MLLT1: variants seen among roughly 807,000 people sequenced by gnomAD.
MLLT1 encodes the protein protein ENL.
MLLT1 carries 11 observed loss-of-function variants against 55.1 expected under a neutral mutation model. That is an observed-to-expected ratio of 0.20 (90% CI 0.13 to 0.33). The LOEUF (loss-of-function observed/expected upper bound fraction) is 0.33, where lower values mean the gene tolerates loss of function less well. Among genes scored for constraint, MLLT1 ranks in the 10% least tolerant of loss-of-function variants. The probability of loss-of-function intolerance (pLI) is 1.00; values close to 1 mark genes in which losing one functional copy is unlikely to be tolerated. For missense variants in MLLT1, 536 were observed against 760.6 expected (o/e 0.70, Z 3.47); for synonymous variants, 323 against 320.1 (o/e 1.01, Z -0.10).
chr19:6,216,839 C>T, intron 7 of MLLT1: 1 of 311,408 alleles, frequency 3.2e-6, no homozygotes, highest in Non-Finnish European at 6.0e-6. Context: ...GCTCGGGGCA[C>T]AGAGATCAGA....
intron 8 of MLLT1, among the ~76,000 whole-genome samples, chr19:6,214,778 G>A (rs1009433293): frequency 6.6e-6 from 1 of 152,162 alleles, no homozygotes; most frequent in Non-Finnish European, 1.5e-5. Flanking sequence ...TTCACAACAC[G>A]TTTAAAACAC....
At chr19:6,254,790 C>A (rs767223578) in intron 3 of MLLT1, among the ~76,000 whole-genome samples, 4 of 152,212 alleles carry the variant, frequency 2.6e-5, no homozygotes, top group Admixed American at 6.5e-5. Flanking sequence ...CCCCTGAGAT[C>A]AGGAACCACG....
In MLLT1 at chr19:6,262,364, AGCT is replaced by A; in HGVS notation, c.194-57_194-55del. On this transcript the variant is annotated intron_variant, in intron 2 of 11. Coordinates refer to ENST00000252674, the MANE Select transcript of MLLT1 (RefSeq NM_005934.4). This position sits in a 1 kb window ranked among gnomAD's most constrained non-coding sequence, Gnocchi z 4.4. ...TCAGCCTCCTGCCTGTTTCAGGCCC[AGCT>A]GCCAGCGGCAGTACCGCACCCCTCA... is the stretch of plus-strand genomic sequence containing the variant. 6.6e-7 allele frequency: 1 copy of A among 1,513,086 alleles called. No individual in the cohort carries two copies. Among genetic ancestry groups the A allele is most frequent in the Non-Finnish European group, 9.1e-7 (1 of 1,093,596 alleles). The allele number at this position is 1,513,086 out of a possible 1,614,324, so 93.7% of individuals were successfully genotyped here. A position where few individuals can be genotyped will look rare whatever the true frequency, so the allele number is the denominator to read the frequency against.
chr19:6,234,069 G>C (rs1452148530), intron 3 of MLLT1, among the ~76,000 whole-genome samples: 1 of 152,236 alleles, frequency 6.6e-6, no homozygotes, highest in East Asian at 1.9e-4. Flanking sequence ...GGCTGGGAAG[G>C]CTCCCTGGAG....
chr19:6,256,815 T>C lies in MLLT1; in HGVS notation c.276+5413A>G, dbSNP rs2091260938. The stretch of plus-strand genomic sequence containing the variant: ...TACAACTACAGTCATCAAAACAGTA[T>C]GGCCAGCATAAGCACAGACACGTAG... On this transcript the variant is annotated intron_variant, in intron 3 of 11. Transcript: ENST00000252674. The surrounding 1 kb of genome is among the most constrained non-coding windows in gnomAD (Gnocchi z 4.1). Among the ~76,000 whole-genome samples the C allele has an allele frequency of 2.6e-5, 4 of 152,166 alleles. No homozygotes were observed. In the South Asian group the frequency reaches 6.2e-4, roughly 24 times the overall value.
At chr19:6,245,190 T>A (rs1038722363) in intron 3 of MLLT1, among the ~76,000 whole-genome samples, 15 of 151,970 alleles carry the variant, frequency 9.9e-5, no homozygotes, top group African/African-American at 2.9e-4. Flanking sequence ...AAAATTTTTT[T>A]AAATCTTTTC....
chr19:6,230,532 G>A lies in MLLT1; in HGVS notation c.420+38C>T. ...CGGCCGCAGCAAAGTAGCCTCGGTG[G>A]AGCGGCCCCTTGGCGGGCAGGGGCG... is the stretch of plus-strand genomic sequence containing the variant. On this transcript the variant is annotated intron_variant, in intron 4 of 11. Transcript: ENST00000252674. This position sits in a 1 kb window ranked among gnomAD's most constrained non-coding sequence, Gnocchi z 9.0. The A allele has an allele frequency of 6.2e-7, 1 of 1,608,086 alleles. No individual in the cohort carries two copies. The highest frequency in any genetic ancestry group is 8.5e-7 in the Non-Finnish European group (1 of 1,178,504).
chr19:6,212,634 TCGGGAGGCTGGAGATGCCCCCCAGC>T lies in MLLT1; in HGVS notation c.*383_*407del, dbSNP rs2090788822. The T allele has an allele frequency of 5.4e-6, 6 of 1,115,512 alleles. No individual in the cohort carries two copies. The highest frequency in any genetic ancestry group is 6.6e-6 in the Non-Finnish European group (6 of 912,142). The allele number at this position is 1,115,512 out of a possible 1,614,324, so 69.1% of individuals were successfully genotyped here. A position where few individuals can be genotyped will look rare whatever the true frequency, so the allele number is the denominator to read the frequency against. ...GGGCGGAGGGTGTGTTCTGAACCAT[TCGGGAGGCTGGAGATGCCCCCCAGC>T]CGTCGATCCGCTGCTCAGAAAGGCT... On this transcript the variant is annotated 3_prime_UTR_variant, in exon 12 of 12. Coordinates refer to ENST00000252674, the MANE Select transcript of MLLT1 (RefSeq NM_005934.4).
chr19:6,250,160 C>T (rs935363690), intron 3 of MLLT1, among the ~76,000 whole-genome samples: 4 of 152,124 alleles, frequency 2.6e-5, no homozygotes, highest in East Asian at 1.9e-4. Flanking sequence ...TGAAAAGATG[C>T]TCAACTTCAT....
Position 6,235,269 on chromosome 19 carries a change from G to A in MLLT1, c.277-4556C>T, listed in dbSNP as rs1340243778. ...CAGCACGGCTGTGCAGAGGATGAAC[G>A]TGGCTGGGGGGCATCCTCGTGCAGA... On this transcript the variant is annotated intron_variant, in intron 3 of 11. Coordinates refer to ENST00000252674, the MANE Select transcript of MLLT1 (RefSeq NM_005934.4). The surrounding 1 kb of genome is among the most constrained non-coding windows in gnomAD (Gnocchi z 5.5). 5.9e-5 allele frequency among the ~76,000 whole-genome samples: 9 copies of A among 152,320 alleles called. No homozygotes were observed. The South Asian group carries it at 6.2e-4, about 11-fold the overall frequency.
chr19:6,251,845 T>G (rs1600203806), intron 3 of MLLT1, among the ~76,000 whole-genome samples: 1 of 151,450 alleles, frequency 6.6e-6, no homozygotes, highest in Non-Finnish European at 1.5e-5. Context: ...TCCCAGCCAC[T>G]CGGAAAGCTG....
At position 6,211,779 on chromosome 19, in the gene MLLT1, C is replaced by T. The variant is rs185402762; in HGVS notation, c.*1263G>A. Reference sequence around the variant, plus strand: ...CCACGATGGGCTGGCTCCGCGGGAGCGTCCTGGCCCTGGAAGAGTGGGCCG... The same window carrying T: ...CCACGATGGGCTGGCTCCGCGGGAGTGTCCTGGCCCTGGAAGAGTGGGCCG... On this transcript the variant is annotated 3_prime_UTR_variant, in exon 12 of 12. Coordinates refer to ENST00000252674, the MANE Select transcript of MLLT1 (RefSeq NM_005934.4). The surrounding 1 kb of genome is among the most constrained non-coding windows in gnomAD (Gnocchi z 4.6). 1.1e-4 allele frequency: 113 copies of T among 1,064,312 alleles called. No individual in the cohort carries two copies. In the South Asian group the frequency reaches 1.6e-3, roughly 15 times the overall value. 65.9% of individuals were successfully genotyped at this position (1,064,312 alleles called of 1,614,324 possible). A position where few individuals can be genotyped will look rare whatever the true frequency, so the allele number is the denominator to read the frequency against.
chr19:6,225,855 CTTG>C (rs1216002699), intron 5 of MLLT1, among the ~76,000 whole-genome samples: 2 of 152,204 alleles, frequency 1.3e-5, no homozygotes, highest in African/African-American at 2.4e-5. Flanking sequence ...CAGAAGAAAT[CTTG>C]TTGTGGTAGC....
At chr19:6,239,487 G>A (rs1039117807) in intron 3 of MLLT1, among the ~76,000 whole-genome samples, 10 of 152,186 alleles carry the variant, frequency 6.6e-5, no homozygotes, top group Non-Finnish European at 1.3e-4. Flanking sequence ...TGCTGACGCC[G>A]GAGGGCCACG....
intron 3 of MLLT1, among the ~76,000 whole-genome samples, chr19:6,237,437 A>C (rs1568283973): frequency 6.6e-6 from 1 of 152,044 alleles, no homozygotes; most frequent in Non-Finnish European, 1.5e-5. Context: ...CTGAGGCCCC[A>C]GGGTTCACAG....
chr19:6,220,102 G>C lies in MLLT1; in HGVS notation c.1110+2019C>G, dbSNP rs35357747. The stretch of plus-strand genomic sequence containing the variant: ...ACGTGGGAGCTCGGCTCGGGGACTC[G>C]GCCCAAAGAGTGGCCCTACGAGGGT... On this transcript the variant is annotated intron_variant, in intron 6 of 11. Transcript: ENST00000252674. 8.7e-3 allele frequency among the ~76,000 whole-genome samples: 1,331 copies of C among 152,324 alleles called. 13 individuals carry two copies. Among genetic ancestry groups the C allele is most frequent in the Non-Finnish European group, 0.015 (1,051 of 68,030 alleles).
intron 3 of MLLT1, among the ~76,000 whole-genome samples, chr19:6,249,500 G>A (rs79196460): frequency 9.2e-5 from 14 of 152,218 alleles, no homozygotes; most frequent in Middle Eastern, 3.4e-3. Flanking sequence ...GCCTTGTCCC[G>A]GGGCAGCCCC....
intron 8 of MLLT1, among the ~76,000 whole-genome samples, chr19:6,214,388 G>A (rs2090817888): frequency 6.6e-6 from 1 of 152,200 alleles, no homozygotes; most frequent in Non-Finnish European, 1.5e-5. Context: ...GGAGCTGCCT[G>A]CTGAAAACCT....
chr19:6,249,599 G>C (rs2091197137), intron 3 of MLLT1, among the ~76,000 whole-genome samples: 1 of 152,180 alleles, frequency 6.6e-6, no homozygotes, highest in African/African-American at 2.4e-5. Flanking sequence ...GCATGTGATG[G>C]GAGGGAGGCC....
Sources: allele counts gnomAD v4.1 joint callset (sites outside exome capture counted in the v4.1 genomes callset), GRCh38; gene constraint gnomAD v4.1.1; non-coding constraint Gnocchi (gnomAD v3.1); transcripts MANE v1.5; gene names NCBI Gene and HGNC (gene_info 2026-07-23, HGNC 2026-07-21).